The following GPC5 variants were observed in gnomAD, a reference collection of about 807,000 sequenced individuals.
GPC5 encodes the protein glypican-5.
Under a neutral mutation model 53.9 loss-of-function variants are expected in GPC5, and 47 were observed. The ratio of observed to expected loss-of-function variants is 0.87; its 90% CI spans 0.69 to 1.11. The LOEUF (loss-of-function observed/expected upper bound fraction) is 1.11. Ranked by LOEUF, GPC5 falls within the 50% of genes most tolerant of loss-of-function variation. GPC5 has a pLI of 0.00. For synonymous variants in GPC5, 286 were observed against 263.3 expected, an observed-to-expected ratio of 1.09 and a Z score of -0.84; for missense variants, 748 against 713.1, an observed-to-expected ratio of 1.05 and a Z score of -0.56.
At chr13:91,696,675 A>T (rs1011672338) in intron 3 of GPC5, among the ~76,000 whole-genome samples, 1 of 152,068 alleles carries the variant, frequency 6.6e-6, no homozygotes, top group Non-Finnish European at 1.5e-5. Flanking sequence ...GAGATACCTG[A>T]TATATATATA....
intron 7 of GPC5, among the ~76,000 whole-genome samples, chr13:92,645,369 T>G (rs192734286): frequency 6.6e-6 from 1 of 152,326 alleles, no homozygotes; most frequent in African/African-American, 2.4e-5. Context: ...GGTCTCGAAC[T>G]CCTGACTGGG....
intron 7 of GPC5, among the ~76,000 whole-genome samples, chr13:92,632,485 T>TATATATATATATAC (rs138355646): frequency 0.024 from 3,334 of 137,234 alleles, 43 homozygotes; most frequent in Non-Finnish European, 0.031. Flanking sequence ...TATATATATA[T>TATATATATATATAC]ACACATATAT....
chr13:92,620,068 T>G (rs1203973562), intron 7 of GPC5, among the ~76,000 whole-genome samples: 1 of 152,080 alleles, frequency 6.6e-6, no homozygotes, highest in Non-Finnish European at 1.5e-5. Flanking sequence ...GGGAGCATAA[T>G]GGTTTAGAGG....
chr13:92,800,980 C>T (rs898937145), intron 7 of GPC5, among the ~76,000 whole-genome samples: 24 of 150,474 alleles, frequency 1.6e-4, no homozygotes, highest in African/African-American at 3.2e-4. Context: ...TCAAAATTTA[C>T]GAAATTCTCC....
At chr13:92,658,619 TGTTGTTTCA>T (rs1886218088) in intron 7 of GPC5, among the ~76,000 whole-genome samples, 1 of 152,204 alleles carries the variant, frequency 6.6e-6, no homozygotes, top group African/African-American at 2.4e-5. Flanking sequence ...TTGTTGTTTC[TGTTGTTTCA>T]GAATTTTAAA....
chr13:92,344,780 G>T (rs971796466), intron 7 of GPC5, among the ~76,000 whole-genome samples: 1 of 152,098 alleles, frequency 6.6e-6, no homozygotes. Flanking sequence ...GGCAGAAATA[G>T]GGGTGAGTCT....
intron 1 of GPC5, among the ~76,000 whole-genome samples, chr13:91,402,313 A>C (rs1052924016): frequency 1.3e-5 from 2 of 152,238 alleles, no homozygotes; most frequent in African/African-American, 2.4e-5. Flanking sequence ...AGTAATAAAA[A>C]TAAACTCTTG....
At chr13:92,826,837 C>T (rs1199125971) in intron 7 of GPC5, among the ~76,000 whole-genome samples, 2 of 152,056 alleles carry the variant, frequency 1.3e-5, no homozygotes, top group Non-Finnish European at 2.9e-5. Flanking sequence ...GTTTCTTCTT[C>T]TAGGGGCTGG....
intron 5 of GPC5, among the ~76,000 whole-genome samples, chr13:91,860,895 C>A (rs909675025): frequency 8.5e-5 from 13 of 152,058 alleles, no homozygotes; most frequent in Non-Finnish European, 1.2e-4. Flanking sequence ...CAATAAACAT[C>A]GAGGTGCAGA....
At chr13:92,459,750 G>T (rs1291383220) in intron 7 of GPC5, among the ~76,000 whole-genome samples, 2 of 151,912 alleles carry the variant, frequency 1.3e-5, no homozygotes, top group Non-Finnish European at 2.9e-5. Context: ...CATTACTTTT[G>T]ATATATAACC....
chr13:91,616,853 T>A (rs191785001), intron 2 of GPC5, among the ~76,000 whole-genome samples: 1 of 152,296 alleles, frequency 6.6e-6, no homozygotes, highest in East Asian at 1.9e-4. Flanking sequence ...TTATTGCTTT[T>A]TAATAAGCAT....
chr13:92,385,437 CATATATACATAT>C (rs1199036189), intron 7 of GPC5, among the ~76,000 whole-genome samples: 1 of 64,090 alleles, frequency 1.6e-5, no homozygotes, highest in Non-Finnish European at 3.1e-5. Flanking sequence ...TACATATATA[CATATATACATAT>C]ATACATATAT....
At chr13:91,756,908 T>C (rs2037305026) in intron 5 of GPC5, among the ~76,000 whole-genome samples, 1 of 150,874 alleles carries the variant, frequency 6.6e-6, no homozygotes, top group African/African-American at 2.4e-5. Flanking sequence ...GAGAGAGAGA[T>C]TGAGAAAGAG....
At chr13:92,830,578 A>C (rs1296219311) in intron 7 of GPC5, among the ~76,000 whole-genome samples, 1 of 152,146 alleles carries the variant, frequency 6.6e-6, no homozygotes, top group East Asian at 1.9e-4. Context: ...AGCCAAGTCT[A>C]TATTTAAATG....
At chr13:92,040,418 C>T (rs2040932941) in intron 6 of GPC5, among the ~76,000 whole-genome samples, 1 of 152,200 alleles carries the variant, frequency 6.6e-6, no homozygotes, top group African/African-American at 2.4e-5. Flanking sequence ...TAGGGAGTGG[C>T]TCAAGGCCTG....
chr13:91,684,124 T>A (rs2035569248), intron 2 of GPC5, among the ~76,000 whole-genome samples: 1 of 152,182 alleles, frequency 6.6e-6, no homozygotes. Flanking sequence ...TCCGTTTTCC[T>A]GATTTTCTTT....
At chr13:91,533,133 G>T (rs1487310423) in intron 2 of GPC5, among the ~76,000 whole-genome samples, 1 of 152,176 alleles carries the variant, frequency 6.6e-6, no homozygotes. Flanking sequence ...AATGAGGCTT[G>T]GGAGGTAAGA....
At chr13:91,885,077 G>A (rs946024891) in intron 5 of GPC5, among the ~76,000 whole-genome samples, 83 of 152,138 alleles carry the variant, frequency 5.5e-4, no homozygotes, top group African/African-American at 1.9e-3. Flanking sequence ...TAACTGAATC[G>A]ATTGTCCCCT....
At chr13:91,839,270 A>G (rs2038757377) in intron 5 of GPC5, among the ~76,000 whole-genome samples, 1 of 152,174 alleles carries the variant, frequency 6.6e-6, no homozygotes, top group Non-Finnish European at 1.5e-5. Context: ...AGGATTGCTC[A>G]GATTTTAAAA....
Sources: gnomAD v4.1 joint callset for allele counts (sites outside exome capture counted in the v4.1 genomes callset) on GRCh38, gnomAD v4.1.1 for gene constraint, MANE v1.5 for transcripts, NCBI Gene and HGNC (gene_info 2026-07-23, HGNC 2026-07-21) for gene names.